Variants in NCAPH observed in about 807,000 individuals in gnomAD.
NCAPH encodes condensin complex subunit 2.
NCAPH carries 38 observed loss-of-function variants against 85.5 expected under a neutral mutation model. The observed-to-expected ratio is 0.44, with a 90% CI of 0.34 to 0.58. NCAPH has a LOEUF of 0.58. Ranked by LOEUF, NCAPH falls within the 20% of genes least tolerant of loss-of-function variation. The pLI is 0.01. For missense variants in NCAPH, 789 were observed against 916.6 expected (o/e 0.86, Z 1.80); for synonymous variants, 301 against 335.1 (o/e 0.90, Z 1.11).
rs748252277 is a variant in NCAPH, at chr2:96,365,939, C to G, written c.1762C>G (p.Leu588Val). 6.2e-6 allele frequency: 10 copies of G among 1,614,022 alleles called. No homozygotes were observed. Among genetic ancestry groups the G allele is most frequent in the African/African-American group, 1.3e-5 (1 of 74,894 alleles). ...LFVGPVGNSD[L>V]SPYPCHPPKT... ...TGTGGGACCTGTTGGGAACTCTGAC[C>G]TCTCACCTTATCCTTGCCATCCACC... The change falls in exon 14 of 18, where the codon CTC (leucine) becomes GTC (valine). Residue 588 changes from leucine to valine, a missense_variant. Coordinates refer to ENST00000240423, the MANE Select transcript of NCAPH (RefSeq NM_015341.5).
rs1470032858 is a variant in NCAPH, at chr2:96,366,050, C to T, written c.1873C>T (p.Pro625Ser). The change falls in exon 14 of 18, where the codon CCT (proline) becomes TCT (serine). Residue 625 changes from proline (P) to serine (S), a missense_variant. By Grantham distance (74) the Pro-to-Ser change is moderately conservative (BLOSUM62 -1). Coordinates refer to ENST00000240423, the MANE Select transcript of NCAPH (RefSeq NM_015341.5). ...TGGGGAGTCAAACTTGGTAGCTGAG[C>T]CTCAGAAGGTACGGATGAAACAGCT... ...TYGESNLVAE[P>S]QKVNKIEIHY... 2 of 1,614,026 alleles carry T rather than the reference C, an allele frequency of 1.2e-6. No individual in the cohort carries two copies. The highest frequency in any genetic ancestry group is 2.7e-5 in the African/African-American group (2 of 74,914).
chr2:96,365,254 T>C (rs762824870), intron 13 of NCAPH, among the ~76,000 whole-genome samples: 2 of 152,164 alleles, frequency 1.3e-5, no homozygotes, highest in Non-Finnish European at 2.9e-5. Flanking sequence ...GTATTCACCT[T>C]ATTTTCTTAC....
chr2:96,348,182 GT>G (rs2064386359), intron 6 of NCAPH, among the ~76,000 whole-genome samples: 1 of 151,294 alleles, frequency 6.6e-6, no homozygotes, highest in East Asian at 1.9e-4. Flanking sequence ...TTATGCCAAG[GT>G]CTCTCTCTTT....
intron 6 of NCAPH, among the ~76,000 whole-genome samples, chr2:96,345,037 G>A (rs531771267): frequency 9.9e-5 from 15 of 152,256 alleles, no homozygotes; most frequent in Non-Finnish European, 1.6e-4. Flanking sequence ...GGTAATTAAG[G>A]TCACAAAACT....
chr2:96,354,684 G>A (rs551530235), intron 9 of NCAPH, among the ~76,000 whole-genome samples: 61 of 152,218 alleles, frequency 4.0e-4, no homozygotes, highest in Non-Finnish European at 7.2e-4. Context: ...TGATTGGCTG[G>A]GCTGGTGTGC....
At chr2:96,352,942 T>C (rs1327154507) in intron 7 of NCAPH, among the ~76,000 whole-genome samples, 1 of 152,260 alleles carries the variant, frequency 6.6e-6, no homozygotes, top group Non-Finnish European at 1.5e-5. Flanking sequence ...TGATTGCCTA[T>C]GTACTTGGTG....
At chr2:96,366,876 C>CAAAA (rs928006104) in intron 14 of NCAPH, among the ~76,000 whole-genome samples, 5 of 37,516 alleles carry the variant, frequency 1.3e-4, no homozygotes, top group African/African-American at 2.2e-4. Context: ...GACTCCGTCT[C>CAAAA]AAAAAAAAAA....
intron 9 of NCAPH, among the ~76,000 whole-genome samples, chr2:96,356,400 C>T (rs1405814066): frequency 6.6e-6 from 1 of 152,118 alleles, no homozygotes; most frequent in Non-Finnish European, 1.5e-5. Context: ...AAGGTTGGGA[C>T]CAGTTGATAA....
At position 96,369,465 on chromosome 2, in the gene NCAPH, G is replaced by T; in HGVS notation, c.2131G>T (p.Ala711Ser). ...GGCTCAGAACCTCTCCATACCTCTG[G>T]CTTTTGCCTGTCTCCTACATTTAGC... is the stretch of plus-strand genomic sequence containing the variant. ...VMAQNLSIPL[A>S]FACLLHLANE... Residue 711 changes from alanine to serine, a missense_variant, in exon 17 of 18, where the codon GCT becomes TCT. By Grantham distance (99) the Ala-to-Ser change is moderately conservative. Coordinates refer to ENST00000240423, the MANE Select transcript of NCAPH (RefSeq NM_015341.5). 7 of 1,614,054 alleles carry T rather than the reference G, an allele frequency of 4.3e-6. No homozygotes were observed. Among genetic ancestry groups the T allele is most frequent in the South Asian group, 1.1e-5 (1 of 91,084 alleles).
intron 12 of NCAPH, 30 bp downstream of exon 12, chr2:96,360,740 CACAAGGT>C (rs778695823): frequency 6.2e-7 from 1 of 1,612,992 alleles, no homozygotes; most frequent in Non-Finnish European, 8.5e-7. Context: ...CCTTTAAGCA[CACAAGGT>C]ATCAAGTGGC....
chr2:96,368,364 A>G (rs1257808065), intron 15 of NCAPH, among the ~76,000 whole-genome samples: 2 of 152,128 alleles, frequency 1.3e-5, no homozygotes. Flanking sequence ...GCTATAAATA[A>G]TCATGGCTTT....
intron 3 of NCAPH, among the ~76,000 whole-genome samples, chr2:96,342,513 A>G (rs2064310036): frequency 6.6e-6 from 1 of 152,184 alleles, no homozygotes; most frequent in African/African-American, 2.4e-5. Flanking sequence ...CTTTGTGTGC[A>G]GTGCTTAGAG....
chr2:96,354,273 C>T lies in NCAPH; in HGVS notation c.1093C>T (p.Pro365Ser), dbSNP rs2064490896. ...EVDESDCGDF[P>S]DGSLGDDFDA... ...TGACGAGAGTGACTGTGGAGACTTC[C>T]CCGATGGGTCCCTGGGGGATGACTT... The change falls in exon 9 of 18, where the codon CCC becomes TCC. Residue 365 changes from proline (P) to serine (S), a missense_variant. Transcript: ENST00000240423. 6.2e-7 allele frequency: 1 copy of T among 1,613,996 alleles called. No individual in the cohort carries two copies. Among genetic ancestry groups the T allele is most frequent in the African/African-American group, 1.3e-5 (1 of 74,974 alleles).
rs1427986474 is a variant in NCAPH, at chr2:96,374,366, C to T, written c.*1015C>T. ...AGAATGCAGCACACACACAAATGTA[C>T]AAGTTCTTCCCCTAACCTCAGAGGA... On this transcript the variant is annotated 3_prime_UTR_variant, in exon 18 of 18. Transcript: ENST00000240423. Among the ~76,000 whole-genome samples, 1 of 152,162 alleles carries T rather than the reference C, an allele frequency of 6.6e-6. No homozygotes were observed. Among genetic ancestry groups the T allele is most frequent in the African/African-American group, 2.4e-5 (1 of 41,426 alleles).
In NCAPH at chr2:96,364,727, CTGCCTTCCACCCAG is replaced by C. The variant is rs890672151; in HGVS notation, c.1698+140_1698+153del. 3 of 647,588 alleles carry C rather than the reference CTGCCTTCCACCCAG, an allele frequency of 4.6e-6. No homozygotes were observed. The African/African-American group carries it at 5.5e-5, about 12-fold the overall frequency. 40.1% of individuals were successfully genotyped at this position (647,588 alleles called of 1,614,324 possible). On this transcript the variant is annotated intron_variant, in intron 13 of 17. Coordinates refer to ENST00000240423, the MANE Select transcript of NCAPH (RefSeq NM_015341.5). Reference sequence around the variant, plus strand: ...AGTGGAGGTTTTCTGGGTAAAGGGTCTGCCTTCCACCCAGTGCAGGGAGCTGAGCAGAGTCAAGG... The same window carrying C: ...AGTGGAGGTTTTCTGGGTAAAGGGTCTGCAGGGAGCTGAGCAGAGTCAAGG...
Position 96,364,501 on chromosome 2 carries a change from C to G in NCAPH, c.1608C>G (p.Gly536=). Residue 536 remains glycine, a synonymous_variant, in exon 13 of 18, where the codon GGC becomes GGG. Transcript: ENST00000240423. The part of the protein sequence containing the change: ...PGTRLLKMAQ[G]HRVETEHYEE... Reference sequence around the variant, plus strand: ...TTTAGTTACTTAAGATGGCCCAGGGCCATAGGGTAGAGACTGAGCATTATG... The same window carrying G: ...TTTAGTTACTTAAGATGGCCCAGGGGCATAGGGTAGAGACTGAGCATTATG... 6.2e-7 allele frequency: 1 copy of G among 1,610,436 alleles called. No homozygotes were observed. The highest frequency in any genetic ancestry group is 8.5e-7 in the Non-Finnish European group (1 of 1,176,870).
intron 1 of NCAPH, among the ~76,000 whole-genome samples, chr2:96,338,361 G>A (rs190323602): frequency 4.6e-5 from 7 of 152,186 alleles, no homozygotes; most frequent in Admixed American, 3.9e-4. Context: ...CTGAGGATGG[G>A]CTTTCTGTGC....
At chr2:96,370,765 A>G (rs1046936276) in intron 17 of NCAPH, among the ~76,000 whole-genome samples, 3 of 152,226 alleles carry the variant, frequency 2.0e-5, no homozygotes, top group African/African-American at 2.4e-5. Context: ...TGTGCTGACC[A>G]TTGGGCTTGT....
In NCAPH at chr2:96,375,890, G is replaced by C. The variant is rs2064826336; in HGVS notation, c.*2539G>C. On this transcript the variant is annotated 3_prime_UTR_variant, in exon 18 of 18. Coordinates refer to ENST00000240423, the MANE Select transcript of NCAPH (RefSeq NM_015341.5). ...CTGCTCCCTGTTAAATCAGTTTCCT[G>C]GGGGTCGATATGAATATTTGCCACC... Among the ~76,000 whole-genome samples, 1 of 152,114 alleles carries C rather than the reference G, an allele frequency of 6.6e-6. No individual in the cohort carries two copies. Among genetic ancestry groups the C allele is most frequent in the South Asian group, 2.1e-4 (1 of 4,822 alleles).
Sources: allele counts gnomAD v4.1 joint callset (sites outside exome capture counted in the v4.1 genomes callset), GRCh38; gene constraint gnomAD v4.1.1; transcripts MANE v1.5; gene names NCBI Gene and HGNC (gene_info 2026-07-23, HGNC 2026-07-21).